Variants in SUCLG2 observed in about 807,000 individuals in gnomAD.
The protein encoded by SUCLG2 is succinate-CoA ligase GDP-forming subunit beta, also known as succinate--CoA ligase [GDP-forming] subunit beta, mitochondrial.
A neutral mutation model predicts 47.9 loss-of-function variants in SUCLG2; 42 were observed. The ratio of observed to expected loss-of-function variants is 0.88; its 90% CI spans 0.69 to 1.14. The LOEUF is 1.14. Among genes scored for constraint, SUCLG2 ranks in the 50% most tolerant of loss-of-function variants. The pLI is 0.00. For missense variants in SUCLG2, 571 were observed against 525.9 expected (o/e 1.09, Z -0.84); for synonymous variants, 195 against 197.3 (o/e 0.99, Z 0.10).
chr3:67,366,323 G>A (rs890774535), intron 10 of SUCLG2, among the ~76,000 whole-genome samples: 1 of 152,002 alleles, frequency 6.6e-6, no homozygotes, highest in African/African-American at 2.4e-5. Flanking sequence ...CAGCCTGAGC[G>A]AAAGAGCAAG....
chr3:67,527,397 A>G (rs995285054), intron 4 of SUCLG2, among the ~76,000 whole-genome samples: 1 of 152,194 alleles, frequency 6.6e-6, no homozygotes, highest in African/African-American at 2.4e-5. Flanking sequence ...GCTGTCTTGA[A>G]ATTTTAACAC....
intron 2 of SUCLG2, among the ~76,000 whole-genome samples, chr3:67,532,098 A>T (rs1200644733): frequency 6.6e-6 from 1 of 152,216 alleles, no homozygotes; most frequent in African/African-American, 2.4e-5. Context: ...AGCTAAAAGG[A>T]CAGAGGAAAA....
chr3:67,639,007 G>A (rs1312797908), intron 1 of SUCLG2, among the ~76,000 whole-genome samples: 1 of 152,118 alleles, frequency 6.6e-6, no homozygotes, highest in African/African-American at 2.4e-5. Context: ...ACTATCTAGA[G>A]CTATTCCGTG....
chr3:67,419,741 T>C (rs937145109), intron 9 of SUCLG2, among the ~76,000 whole-genome samples: 3 of 152,222 alleles, frequency 2.0e-5, no homozygotes, highest in Non-Finnish European at 2.9e-5. Flanking sequence ...TTTACAATGA[T>C]TTAAAAACTG....
intron 9 of SUCLG2, among the ~76,000 whole-genome samples, chr3:67,447,838 C>T (rs1327614392): frequency 6.6e-6 from 1 of 152,296 alleles, no homozygotes; most frequent in East Asian, 1.9e-4. Context: ...AAGTGATTCT[C>T]ATGTCTCAGC....
intron 9 of SUCLG2, among the ~76,000 whole-genome samples, chr3:67,474,642 A>C (rs144837515): frequency 1.1e-4 from 17 of 152,338 alleles, no homozygotes; most frequent in African/African-American, 4.1e-4. Flanking sequence ...ATAGTTTTTT[A>C]AGAAGCTTCA....
chr3:67,465,914 G>A (rs1040733792), intron 9 of SUCLG2, among the ~76,000 whole-genome samples: 1 of 152,002 alleles, frequency 6.6e-6, no homozygotes, highest in African/African-American at 2.4e-5. Flanking sequence ...TCAAGTTTGA[G>A]AAACAATGAC....
intron 1 of SUCLG2, among the ~76,000 whole-genome samples, chr3:67,620,471 G>A (rs1388407447): frequency 6.6e-6 from 1 of 150,646 alleles, no homozygotes; most frequent in Non-Finnish European, 1.5e-5. Context: ...TTTAATCCCA[G>A]GTACTCAGGA....
chr3:67,449,851 T>C (rs1704012080), intron 9 of SUCLG2, among the ~76,000 whole-genome samples: 1 of 152,156 alleles, frequency 6.6e-6, no homozygotes, highest in South Asian at 2.1e-4. Flanking sequence ...TGGCCTCAAG[T>C]GATCCACCTG....
intron 2 of SUCLG2, among the ~76,000 whole-genome samples, chr3:67,587,663 G>A (rs1012232112): frequency 1.3e-5 from 2 of 152,012 alleles, no homozygotes; most frequent in African/African-American, 4.8e-5. Flanking sequence ...AAAATAACAT[G>A]AGATTGTACT....
intron 2 of SUCLG2, among the ~76,000 whole-genome samples, chr3:67,583,954 T>C (rs961736028): frequency 4.6e-5 from 7 of 152,204 alleles, no homozygotes; most frequent in Non-Finnish European, 7.3e-5. Context: ...CATAGTAACC[T>C]CAACTACATC....
intron 1 of SUCLG2, among the ~76,000 whole-genome samples, chr3:67,632,115 G>T (rs1048119464): frequency 6.6e-5 from 10 of 152,084 alleles, no homozygotes; most frequent in African/African-American, 2.4e-4. Flanking sequence ...TCTCTGCATT[G>T]AGCCATATAT....
intron 2 of SUCLG2, among the ~76,000 whole-genome samples, chr3:67,561,169 C>T (rs1240439078): frequency 6.6e-6 from 1 of 151,428 alleles, no homozygotes; most frequent in Admixed American, 6.6e-5. Context: ...ATCTTATTCC[C>T]AGGGGCTGCT....
chr3:67,407,353 T>C (rs941380351), intron 9 of SUCLG2, among the ~76,000 whole-genome samples: 2 of 152,192 alleles, frequency 1.3e-5, no homozygotes, highest in Admixed American at 6.5e-5. Flanking sequence ...CTTTCTTTGT[T>C]GTGTTATTTT....
intron 10 of SUCLG2, among the ~76,000 whole-genome samples, chr3:67,384,668 A>C (rs1702224628): frequency 6.6e-6 from 1 of 152,210 alleles, no homozygotes; most frequent in Non-Finnish European, 1.5e-5. Context: ...TATAGTGGTA[A>C]GCAGCTATAT....
chr3:67,571,548 C>G (rs1269724678), intron 2 of SUCLG2, among the ~76,000 whole-genome samples: 1 of 152,150 alleles, frequency 6.6e-6, no homozygotes, highest in Non-Finnish European at 1.5e-5. Flanking sequence ...CCTCAACTAT[C>G]TCATTTGTAA....
At chr3:67,622,340 A>C (rs1015610609) in intron 1 of SUCLG2, among the ~76,000 whole-genome samples, 3 of 152,236 alleles carry the variant, frequency 2.0e-5, no homozygotes. Flanking sequence ...AGATACATAC[A>C]TAGATATATC....
intron 9 of SUCLG2, among the ~76,000 whole-genome samples, chr3:67,407,370 A>G (rs1383748603): frequency 1.3e-5 from 2 of 152,188 alleles, no homozygotes; most frequent in Non-Finnish European, 2.9e-5. Context: ...TTTTCTTGCC[A>G]TCACTGATAA....
intron 2 of SUCLG2, among the ~76,000 whole-genome samples, chr3:67,552,069 T>C (rs765742334): frequency 6.7e-6 from 1 of 148,610 alleles, no homozygotes; most frequent in African/African-American, 2.5e-5. Context: ...CAGTATCAAA[T>C]ATGACCAGAA....
Sources: allele counts gnomAD v4.1 joint callset (sites outside exome capture counted in the v4.1 genomes callset), GRCh38; gene constraint gnomAD v4.1.1; transcripts MANE v1.5; gene names NCBI Gene and HGNC (gene_info 2026-07-23, HGNC 2026-07-21).